TACC3: variants seen among roughly 807,000 people sequenced by gnomAD.
The protein encoded by TACC3 is transforming acidic coiled-coil-containing protein 3.
In TACC3, 52 loss-of-function variants were observed where a neutral mutation model predicts 86.0. The ratio of observed to expected loss-of-function variants is 0.60; its 90% CI spans 0.48 to 0.76. The LOEUF (loss-of-function observed/expected upper bound fraction) is 0.76, where lower values mean the gene tolerates loss of function less well. Among genes scored for constraint, TACC3 ranks in the 30% least tolerant of loss-of-function variants. TACC3 has a pLI of 0.00. For synonymous variants in TACC3, 512 were observed against 430.0 expected, an observed-to-expected ratio of 1.19 and a Z score of -2.36; for missense variants, 1,120 against 1,070.4, an observed-to-expected ratio of 1.05 and a Z score of -0.65.
chr4:1,739,184 T>C (rs1484787650), intron 10 of TACC3, among the ~76,000 whole-genome samples: 2 of 152,074 alleles, frequency 1.3e-5, no homozygotes, highest in East Asian at 3.9e-4. Context: ...GGTGGGCACC[T>C]GTAGTCCCAC....
chr4:1,737,802 CCA>C (rs1560317629), intron 10 of TACC3, 100 bp downstream of exon 10: 1 of 1,055,736 alleles, frequency 9.5e-7, no homozygotes, highest in Admixed American at 2.0e-5. Flanking sequence ...GCCATCCCTG[CCA>C]TCCCTGCCCC....
Position 1,727,735 on chromosome 4 carries a change from CA to C in TACC3, c.337del (p.Thr113LeufsTer79). 2 of 1,593,266 alleles carry C rather than the reference CA, an allele frequency of 1.3e-6. No individual in the cohort carries two copies. The highest frequency in any genetic ancestry group is 8.6e-7 in the Non-Finnish European group (1 of 1,168,630). On this transcript the variant is annotated frameshift_variant, in exon 4 of 16. Coordinates refer to ENST00000313288, the MANE Select transcript of TACC3 (RefSeq NM_006342.3). LOFTEE classifies it high-confidence loss of function. ...AACAGCTCATCAAGGAAGTGGATGC[CA>C]AAACTACTCATGGAATTCTACAGAA... ...NQQLIKEVDA[K>X]TTHGILQKPV...
chr4:1,725,352 C>T (rs931423139), intron 3 of TACC3, among the ~76,000 whole-genome samples: 1 of 152,226 alleles, frequency 6.6e-6, no homozygotes, highest in African/African-American at 2.4e-5. Flanking sequence ...GCATTTCCTA[C>T]ATCCTTCTCT....
At chr4:1,737,024 A>G (rs901973287) in intron 8 of TACC3, among the ~76,000 whole-genome samples, 2 of 152,184 alleles carry the variant, frequency 1.3e-5, no homozygotes, top group Non-Finnish European at 2.9e-5. Flanking sequence ...CCGGAAGGAC[A>G]AGCAGCCACG....
chr4:1,735,403 G>T lies in TACC3; in HGVS notation c.1644+78G>T. 1.3e-6 allele frequency: 2 copies of T among 1,542,834 alleles called. No individual in the cohort carries two copies. ...CCACGGCAGGTCTTGCCCCCGGAGC[G>T]TCCCTTGGTGCCCACGTCCCCCCAG... On this transcript the variant is annotated intron_variant, in intron 7 of 15. Transcript: ENST00000313288. This position sits in a 1 kb window ranked among gnomAD's most constrained non-coding sequence, Gnocchi z 4.2.
chr4:1,720,917 G>C (rs1202582609), upstream of TACC3: 26 of 1,262,432 alleles, frequency 2.1e-5, no homozygotes, highest in East Asian at 7.6e-4. The surrounding 1 kb of genome is among the most constrained non-coding windows in gnomAD (Gnocchi z 4.4). Flanking sequence ...TCCCGGACCT[G>C]TCGGTTGCGG....
intron 6 of TACC3, among the ~76,000 whole-genome samples, chr4:1,732,602 G>A (rs1310833541): frequency 7.2e-5 from 11 of 152,348 alleles, no homozygotes; most frequent in East Asian, 3.9e-4. Context: ...CAGCAGACAC[G>A]AATGGCATGT....
In TACC3 at chr4:1,745,123, T is replaced by A; in HGVS notation, c.*110T>A. The A allele has an allele frequency of 8.8e-7, 1 of 1,140,448 alleles. No individual in the cohort carries two copies. The highest frequency in any genetic ancestry group is 1.2e-6 in the Non-Finnish European group (1 of 804,212). The allele number at this position is 1,140,448 out of a possible 1,614,324, so 70.6% of individuals were successfully genotyped here. A position where few individuals can be genotyped will look rare whatever the true frequency, so the allele number is the denominator to read the frequency against. Reference sequence around the variant, plus strand: ...TCTTGTCTTCAACTTTTTTAAAAACTAGATTGCTTTGAAAACATGACTCAA... The same window carrying A: ...TCTTGTCTTCAACTTTTTTAAAAACAAGATTGCTTTGAAAACATGACTCAA... On this transcript the variant is annotated 3_prime_UTR_variant, in exon 16 of 16. Transcript: ENST00000313288.
intron 12 of TACC3, 133 bp downstream of exon 12, chr4:1,740,135 CA>C (rs534707913): frequency 0.016 from 14,041 of 865,242 alleles, 261 homozygotes; most frequent in Non-Finnish European, 0.017. Flanking sequence ...GTCCCTTCAA[CA>C]TGGGCCCGGC....
chr4:1,741,054 C>A, intron 13 of TACC3, 68 bp downstream of exon 13: 1 of 1,463,174 alleles, frequency 6.8e-7, no homozygotes, highest in Non-Finnish European at 9.2e-7. Flanking sequence ...GCCAGCGGGG[C>A]TACAAGCTGC....
At chr4:1,732,981 ACT>A (rs1324961839) in intron 6 of TACC3, among the ~76,000 whole-genome samples, 1 of 151,946 alleles carries the variant, frequency 6.6e-6, no homozygotes, top group East Asian at 1.9e-4. Flanking sequence ...GGTCACAGTA[ACT>A]CTGCTCACCT....
chr4:1,736,996 A>C (rs991830474), intron 8 of TACC3, among the ~76,000 whole-genome samples: 1 of 152,022 alleles, frequency 6.6e-6, no homozygotes, highest in Admixed American at 6.5e-5. Context: ...GTGGGTAATG[A>C]AGCGTCACCG....
At chr4:1,731,470 C>T (rs1443408462) in intron 6 of TACC3, among the ~76,000 whole-genome samples, 169 bp downstream of exon 6, 2 of 152,160 alleles carry the variant, frequency 1.3e-5, no homozygotes, top group Non-Finnish European at 2.9e-5. Context: ...AAAACTTAGT[C>T]AGTGTTAGGA....
At chr4:1,736,701 G>C (rs1718283533) in intron 8 of TACC3, among the ~76,000 whole-genome samples, 1 of 152,058 alleles carries the variant, frequency 6.6e-6, no homozygotes, top group South Asian at 2.1e-4. Context: ...CTGAGGTCAG[G>C]AGTTTGAGAC....
intron 9 of TACC3, 35 bp from the exon 10 acceptor site, chr4:1,737,563 G>A (rs371594603): frequency 2.0e-5 from 29 of 1,461,842 alleles, no homozygotes; most frequent in East Asian, 7.4e-5. Context: ...AGGCAAGGGC[G>A]AAATGGGTTC....
chr4:1,731,855 A>C (rs1316799178), intron 6 of TACC3, among the ~76,000 whole-genome samples: 1 of 152,204 alleles, frequency 6.6e-6, no homozygotes, highest in Non-Finnish European at 1.5e-5. Context: ...GGCTGGTCTC[A>C]AACTCTGACC....
At chr4:1,743,773 G>T (rs4865467) in intron 13 of TACC3, among the ~76,000 whole-genome samples, 42,761 of 151,876 alleles carry the variant, frequency 0.28, 7,069 homozygotes, top group African/African-American at 0.46. Flanking sequence ...GCCGCCTCCC[G>T]GACAGACGCT....
intron 11 of TACC3, 67 bp downstream of exon 11, chr4:1,739,845 T>A: frequency 1.7e-6 from 2 of 1,166,610 alleles, no homozygotes; most frequent in Admixed American, 5.2e-5. Context: ...CCCATCCCCC[T>A]CGCCATCCTT....
At chr4:1,739,806 CCGTCCCCATCCCCCTCGCCATCCT>C (rs140089579) in intron 11 of TACC3, 28 bp downstream of exon 11, 571,252 of 1,570,268 alleles carry the variant, frequency 0.36, 142,154 homozygotes, top group Non-Finnish European at 0.38. Flanking sequence ...CCTGTCCTCC[CCGTCCCCATCCCCCTCGCCATCCT>C]TGTCCCCATC....
Sources: gnomAD v4.1 joint callset for allele counts (sites outside exome capture counted in the v4.1 genomes callset) on GRCh38, gnomAD v4.1.1 for gene constraint, Gnocchi (gnomAD v3.1) non-coding constraint, MANE v1.5 for transcripts, NCBI Gene and HGNC (gene_info 2026-07-23, HGNC 2026-07-21) for gene names.